Variants in KLHL4 observed in about 807,000 individuals in gnomAD.
KLHL4 encodes the protein kelch like family member 4.
KLHL4 carries 17 observed loss-of-function variants against 45.8 expected under a neutral mutation model. That is an observed-to-expected ratio of 0.37 (90% CI 0.25 to 0.56). KLHL4 has a LOEUF of 0.56. Among genes scored for constraint, KLHL4 ranks in the 20% least tolerant of loss-of-function variants. The pLI is 0.79. For synonymous variants in KLHL4, 224 were observed against 189.9 expected, an observed-to-expected ratio of 1.18 and a Z score of -1.47; for missense variants, 544 against 544.9, an observed-to-expected ratio of 1.00 and a Z score of 0.02.
chrX:87,534,557 G>T (rs1187185183), intron 1 of KLHL4, among the ~76,000 whole-genome samples: 2 of 111,053 alleles, frequency 1.8e-5, no homozygotes, highest in African/African-American at 6.5e-5. Context: ...AGAGTCAACA[G>T]CATTAATGTA....
At position 87,663,836 on chromosome X, in the gene KLHL4, A is replaced by T. The variant is rs987234920; in HGVS notation, c.1926-928A>T. Reference sequence around the variant, plus strand: ...GATGTGAGAGCAATTTCAGATGGAAACTGAAATCAGATGATTTAGAATATC... The same window carrying T: ...GATGTGAGAGCAATTTCAGATGGAATCTGAAATCAGATGATTTAGAATATC... On this transcript the variant is annotated intron_variant, in intron 9 of 10. Coordinates refer to ENST00000373119, the MANE Select transcript of KLHL4 (RefSeq NM_019117.5). 2.7e-5 allele frequency among the ~76,000 whole-genome samples: 3 copies of T among 112,320 alleles called. No individual in the cohort carries two copies. In the East Asian group the frequency reaches 8.3e-4, roughly 31 times the overall value.
chrX:87,650,811 C>T (rs1923788732), intron 9 of KLHL4, among the ~76,000 whole-genome samples: 1 of 111,776 alleles, frequency 8.9e-6, no homozygotes, highest in Non-Finnish European at 1.9e-5. Context: ...CTCACAGTTC[C>T]ACGTGGCTGG....
intron 1 of KLHL4, among the ~76,000 whole-genome samples, chrX:87,555,539 G>T (rs1931950904): frequency 9.2e-6 from 1 of 108,954 alleles, no homozygotes; most frequent in African/African-American, 3.3e-5. Flanking sequence ...ATGGTAGTTT[G>T]TATTTCTGTG....
intron 7 of KLHL4, among the ~76,000 whole-genome samples, chrX:87,632,919 T>A (rs754667718): frequency 7.2e-5 from 8 of 111,453 alleles, no homozygotes; most frequent in African/African-American, 9.8e-5. Context: ...TCCTTTTTTT[T>A]AATCTGATTT....
At chrX:87,534,399 A>C (rs140481593) in intron 1 of KLHL4, among the ~76,000 whole-genome samples, 2,608 of 110,976 alleles carry the variant, frequency 0.024, 76 homozygotes, top group African/African-American at 0.081. Flanking sequence ...CACTTTATTA[A>C]CTCCTGACAG....
At chrX:87,575,138 C>A (rs948577871) in intron 1 of KLHL4, among the ~76,000 whole-genome samples, 21 of 111,972 alleles carry the variant, frequency 1.9e-4, no homozygotes, top group African/African-American at 6.8e-4. Context: ...TCTTTAGCTT[C>A]TTTACTAGAA....
intron 1 of KLHL4, among the ~76,000 whole-genome samples, chrX:87,593,020 T>A (rs1033120309): frequency 8.9e-6 from 1 of 111,957 alleles, no homozygotes; most frequent in African/African-American, 3.2e-5. Flanking sequence ...GTCATTCCGC[T>A]GTCATTTGTT....
intron 1 of KLHL4, among the ~76,000 whole-genome samples, chrX:87,541,195 T>C (rs2147772946): frequency 9.1e-6 from 1 of 109,415 alleles, no homozygotes; most frequent in South Asian, 4.0e-4. Flanking sequence ...GGTTTAAAAG[T>C]GGCAGTTTTG....
chrX:87,606,132 G>A (rs1406408036), intron 1 of KLHL4, among the ~76,000 whole-genome samples: 1 of 111,386 alleles, frequency 9.0e-6, no homozygotes, highest in Non-Finnish European at 1.9e-5. Context: ...TGGTTTGCTT[G>A]TATATTGTTG....
chrX:87,665,226 G>A (rs1924328978), intron 10 of KLHL4, among the ~76,000 whole-genome samples: 1 of 110,780 alleles, frequency 9.0e-6, no homozygotes, highest in Non-Finnish European at 1.9e-5. Context: ...GAAAATAAGC[G>A]AATCCAATAA....
At chrX:87,655,709 A>G (rs1181655882) in intron 9 of KLHL4, among the ~76,000 whole-genome samples, 1 of 111,450 alleles carries the variant, frequency 9.0e-6, no homozygotes, top group African/African-American at 3.3e-5. Context: ...ATGAGGTCTT[A>G]TTCCTGTCAT....
chrX:87,588,791 A>AAGAAGG (rs1233411426), intron 1 of KLHL4, among the ~76,000 whole-genome samples: 116 of 109,928 alleles, frequency 1.1e-3, no homozygotes, highest in East Asian at 5.5e-3. Context: ...AAAGAAGAAG[A>AAGAAGG]AGAAGGAGAA....
chrX:87,615,146 C>T (rs915671902), intron 3 of KLHL4, among the ~76,000 whole-genome samples: 2 of 110,735 alleles, frequency 1.8e-5, no homozygotes, highest in Admixed American at 1.9e-4. Flanking sequence ...AAAAGCTTAC[C>T]TCCTGGCTTT....
chrX:87,568,438 G>A (rs1423598110), intron 1 of KLHL4, among the ~76,000 whole-genome samples: 4 of 81,929 alleles, frequency 4.9e-5, no homozygotes, highest in African/African-American at 9.9e-5. Flanking sequence ...AATTGTAAAC[G>A]TTAGATATAA....
At chrX:87,593,808 C>T (rs758866287) in intron 1 of KLHL4, among the ~76,000 whole-genome samples, 4 of 111,425 alleles carry the variant, frequency 3.6e-5, no homozygotes, top group Admixed American at 9.6e-5. Context: ...GTATCACCAG[C>T]AATACCTAAC....
At chrX:87,642,457 AACCCTGCCTAGTAATATG>A (rs1179012847) in intron 9 of KLHL4, among the ~76,000 whole-genome samples, 5 of 111,966 alleles carry the variant, frequency 4.5e-5, no homozygotes, top group African/African-American at 1.3e-4. Flanking sequence ...CCAGAAAACC[AACCCTGCCTAGTAATATG>A]ACAAAACAAG....
At chrX:87,585,355 A>G (rs1393891518) in intron 1 of KLHL4, among the ~76,000 whole-genome samples, 1 of 111,762 alleles carries the variant, frequency 8.9e-6, no homozygotes, top group Non-Finnish European at 1.9e-5. Flanking sequence ...TATAACACTA[A>G]CTATGGTGTG....
intron 6 of KLHL4, among the ~76,000 whole-genome samples, chrX:87,627,414 T>A (rs1243794249): frequency 9.0e-6 from 1 of 111,620 alleles, no homozygotes; most frequent in Non-Finnish European, 1.9e-5. Context: ...ATTATTTTCT[T>A]TGATATATAT....
chrX:87,658,218 T>TCACCC (rs1924056278), intron 9 of KLHL4, among the ~76,000 whole-genome samples: 1 of 110,439 alleles, frequency 9.1e-6, no homozygotes. Context: ...AAAGGGGAGG[T>TCACCC]CACCCACCTC....
Sources: allele counts gnomAD v4.1 joint callset (sites outside exome capture counted in the v4.1 genomes callset), GRCh38; gene constraint gnomAD v4.1.1; transcripts MANE v1.5; gene names NCBI Gene and HGNC (gene_info 2026-07-23, HGNC 2026-07-21).